ZNF318: variants seen among roughly 807,000 people sequenced by gnomAD.
ZNF318 encodes endocrine regulator.
A neutral mutation model predicts 124.2 loss-of-function variants in ZNF318; 51 were observed. The observed-to-expected ratio is 0.41, with a 90% CI of 0.33 to 0.52. The LOEUF (loss-of-function observed/expected upper bound fraction) is 0.52, where lower values mean the gene tolerates loss of function less well. ZNF318 is among the 20% of genes least tolerant of loss of function. The pLI is 0.23. For synonymous variants in ZNF318, 1,090 were observed against 1,040.7 expected (o/e 1.05, Z -0.91); for missense variants, 2,815 against 2,811.2 (o/e 1.00, Z -0.03).
rs1182210954 is a variant in ZNF318, at chr6:43,340,135, C to T, written c.3863G>A (p.Ser1288Asn). ...AGAGATACTTGGGGTCACCAATGAA[C>T]TTTTCTCCTCTTCTTTTTCTGGCTT... Reference protein sequence around the residue: ...WKKPEKEEEKSSLVTPSISKE... With the variant: ...WKKPEKEEEKNSLVTPSISKE... The change falls in exon 10 of 10, where the codon AGT becomes AAT. Residue 1288 changes from serine (S) to asparagine (N), a missense_variant. Physicochemically the swap from Ser to Asn is conservative, Grantham distance 46. This residue lies in a region of ZNF318 where 500 missense variants were observed against 605.2 expected (regional missense o/e 0.83). Coordinates refer to ENST00000361428, the MANE Select transcript of ZNF318 (RefSeq NM_014345.3). 1.2e-6 allele frequency: 2 copies of T among 1,614,148 alleles called. No homozygotes were observed. The highest frequency in any genetic ancestry group is 3.3e-5 in the Admixed American group (2 of 60,022).
At chr6:43,368,906 C>A in intron 1 of ZNF318, 61 bp downstream of exon 1, 2 of 1,284,208 alleles carry the variant, frequency 1.6e-6, no homozygotes, top group African/African-American at 1.5e-5. Context: ...TTTCTGGAAA[C>A]GGGAATTCCG....
chr6:43,364,267 G>C, intron 2 of ZNF318: 1 of 505,370 alleles, frequency 2.0e-6, no homozygotes, highest in Non-Finnish European at 3.5e-6. Context: ...TGCAGAGGAC[G>C]TAGGCTCCAG....
At chr6:43,353,677 T>C (rs1779564532) in intron 4 of ZNF318, among the ~76,000 whole-genome samples, 1 of 152,104 alleles carries the variant, frequency 6.6e-6, no homozygotes, top group Non-Finnish European at 1.5e-5. Context: ...CCCAGCCAGG[T>C]CTTAACTTTT....
intron 6 of ZNF318, among the ~76,000 whole-genome samples, chr6:43,346,524 C>CA (rs59587962): frequency 0.19 from 20,110 of 104,392 alleles, 1,653 homozygotes; most frequent in East Asian, 0.27. Flanking sequence ...CATCTTTAAC[C>CA]AAAAAAAAAA....
chr6:43,368,999 G>A lies in ZNF318; in HGVS notation c.367C>T (p.Arg123Cys), dbSNP rs1376921807. ...CCGCTGTCGCCTGGATGGTCTCCGCGGCCGTCCCGGGCATAGTCGGCGCGG... is the reference window on the plus strand; with the variant it reads ...CCGCTGTCGCCTGGATGGTCTCCGCAGCCGTCCCGGGCATAGTCGGCGCGG... ...ESRADYARDGRGDHPGDSGSR... is the reference protein window; with the variant it reads ...ESRADYARDGCGDHPGDSGSR... Residue 123 changes from arginine (R) to cysteine (C), a missense_variant, in exon 1 of 10, where the codon CGC (arginine) becomes TGC (cysteine). Arg to Cys is a radical substitution (Grantham distance 180, BLOSUM62 -3). Transcript: ENST00000361428. 2.1e-6 allele frequency: 3 copies of A among 1,435,478 alleles called. No individual in the cohort carries two copies. Among genetic ancestry groups the A allele is most frequent in the South Asian group, 2.7e-5 (2 of 74,416 alleles). The allele number at this position is 1,435,478 out of a possible 1,614,324, so 88.9% of individuals were successfully genotyped here.
Position 43,354,934 on chromosome 6 carries a change from G to C in ZNF318, c.2400C>G (p.Ser800=), listed in dbSNP as rs1054732815. The C allele has an allele frequency of 1.9e-6, 3 of 1,610,808 alleles. No individual in the cohort carries two copies. Among genetic ancestry groups the C allele is most frequent in the Non-Finnish European group, 2.5e-6 (3 of 1,177,934 alleles). Residue 800 remains serine, a synonymous_variant, in exon 4 of 10, where the codon TCC becomes TCG. Coordinates refer to ENST00000361428, the MANE Select transcript of ZNF318 (RefSeq NM_014345.3). ...GAGAGGTGGGATACATGGGCCATCT[G>C]GAGGCTGCATATGCCATGTAGTGCC... The part of the protein sequence containing the change: ...AYRHYMAYAA[S]RWPMYPTSQP...
rs757230046 is a variant in ZNF318, at chr6:43,365,350, G to T, written c.490C>A (p.Arg164=). The change falls in exon 2 of 10, where the codon CGG becomes AGG. Residue 164 remains arginine (R), a synonymous_variant. Coordinates refer to ENST00000361428, the MANE Select transcript of ZNF318 (RefSeq NM_014345.3). ...NDHFCVSTPE[R]RRLSDRLGSP... is the part of the protein sequence containing the mutation. The stretch of plus-strand genomic sequence containing the variant: ...CCCAGCCGATCACTAAGCCGTCGCC[G>T]TTCTGGTGTGCTAACACAGAAGTGG... The T allele has an allele frequency of 2.5e-5, 41 of 1,614,030 alleles. No individual in the cohort carries two copies. Among genetic ancestry groups the T allele is most frequent in the Middle Eastern group, 1.6e-4 (1 of 6,084 alleles).
Position 43,355,926 on chromosome 6 carries a change from A to G in ZNF318, c.1408T>C (p.Phe470Leu), listed in dbSNP as rs202029249. 21 of 1,614,018 alleles carry G rather than the reference A, an allele frequency of 1.3e-5. No homozygotes were observed. In the Admixed American group the frequency reaches 1.7e-4, roughly 13 times the overall value. ...TCCTTGTGGCATAGAAAACTTCCAA[A>G]TTTTTCTCTGAGAGGACTGTTGTCT... ...PKDNSPLREK[F>L]GSFLCHKDNL... Residue 470 changes from phenylalanine (F) to leucine (L), a missense_variant, in exon 4 of 10, where the codon TTT becomes CTT. This residue lies in a region of ZNF318 where 1,377 missense variants were observed against 1,353.5 expected (regional missense o/e 1.02). Transcript: ENST00000361428.
chr6:43,354,600 A>C lies in ZNF318; in HGVS notation c.2670+64T>G, dbSNP rs1348116226. 1.4e-5 allele frequency: 20 copies of C among 1,481,346 alleles called. No homozygotes were observed. The Admixed American group carries it at 1.8e-4, about 13-fold the overall frequency. 91.8% of individuals were successfully genotyped at this position (1,481,346 alleles called of 1,614,324 possible). On this transcript the variant is annotated intron_variant, in intron 4 of 9. Transcript: ENST00000361428. ...TACAAATTTTCAGCCCCTTCTAAAA[A>C]ACATATACAAATTTATGGCAAAACA... is the stretch of plus-strand genomic sequence containing the variant.
intron 4 of ZNF318, among the ~76,000 whole-genome samples, chr6:43,352,805 A>T (rs771927121): frequency 2.0e-5 from 3 of 152,262 alleles, no homozygotes; most frequent in Admixed American, 1.3e-4. Context: ...GGTAAGGGAC[A>T]TATTTCATGT....
chr6:43,340,961 C>T, intron 8 of ZNF318, 53 bp from the exon 9 acceptor site: 1 of 1,340,472 alleles, frequency 7.5e-7, no homozygotes, highest in Non-Finnish European at 1.1e-6. Context: ...CCCAGAATGA[C>T]AGCAACCAAT....
intron 2 of ZNF318, chr6:43,363,826 G>A (rs940977391): frequency 9.8e-6 from 9 of 922,750 alleles, no homozygotes; most frequent in African/African-American, 6.5e-5. Context: ...TGGCCACGTC[G>A]GTCTGGGTGT....
At chr6:43,352,047 G>A (rs530509786) in intron 5 of ZNF318, among the ~76,000 whole-genome samples, 141 of 152,078 alleles carry the variant, frequency 9.3e-4, no homozygotes, top group Non-Finnish European at 1.6e-3. Flanking sequence ...GGGAGGCTGA[G>A]GCAGGAGAAT....
intron 4 of ZNF318, among the ~76,000 whole-genome samples, chr6:43,354,104 T>TACAC (rs376470195): frequency 1.3e-5 from 2 of 150,332 alleles, no homozygotes; most frequent in Admixed American, 6.6e-5. Context: ...TACACACACA[T>TACAC]ACACACACAC....
Position 43,339,873 on chromosome 6 carries a change from G to A in ZNF318, c.4125C>T (p.Thr1375=), listed in dbSNP as rs2150748869. The A allele has an allele frequency of 6.2e-7, 1 of 1,614,154 alleles. No homozygotes were observed. The highest frequency in any genetic ancestry group is 8.5e-7 in the Non-Finnish European group (1 of 1,180,032). Reference sequence around the variant, plus strand: ...TTCCAGAGGACTTAATAGACAGAAAGGTGTTAAGAGGAGCTGGCTTGCTCA... The same window carrying A: ...TTCCAGAGGACTTAATAGACAGAAAAGTGTTAAGAGGAGCTGGCTTGCTCA... ...ATMSKPAPLN[T]FLSIKSSGTT... The change falls in exon 10 of 10, where the codon ACC becomes ACT. Residue 1375 remains threonine, a synonymous_variant. Transcript: ENST00000361428. The surrounding 1 kb of genome is among the most constrained non-coding windows in gnomAD (Gnocchi z 4.2).
intron 4 of ZNF318, among the ~76,000 whole-genome samples, chr6:43,352,805 A>AT (rs1779548089): frequency 1.3e-5 from 2 of 152,262 alleles, no homozygotes; most frequent in Admixed American, 1.3e-4. Context: ...GGTAAGGGAC[A>AT]TATTTCATGT....
rs1305076502 is a variant in ZNF318 at position 43,365,358 on chromosome 6, G to A, written c.482C>T (p.Thr161Ile). Residue 161 changes from threonine to isoleucine, a missense_variant, in exon 2 of 10, where the codon ACA (threonine) becomes ATA (isoleucine). Transcript: ENST00000361428. Reference sequence around the variant, plus strand: ...ATCACTAAGCCGTCGCCGTTCTGGTGTGCTAACACAGAAGTGGTCATTGCC... The same window carrying A: ...ATCACTAAGCCGTCGCCGTTCTGGTATGCTAACACAGAAGTGGTCATTGCC... ...TVGNDHFCVSTPERRRLSDRL... is the reference protein window; with the variant it reads ...TVGNDHFCVSIPERRRLSDRL... The A allele has an allele frequency of 1.9e-6, 3 of 1,614,096 alleles. No homozygotes were observed. The highest frequency in any genetic ancestry group is 2.5e-6 in the Non-Finnish European group (3 of 1,180,044).
chr6:43,350,012 G>A (rs1779504158), intron 5 of ZNF318, among the ~76,000 whole-genome samples: 1 of 152,214 alleles, frequency 6.6e-6, no homozygotes, highest in African/African-American at 2.4e-5. Context: ...CACTTTGGGA[G>A]GTCGAGGCAG....
At chr6:43,341,028 C>T (rs1779368067) in intron 8 of ZNF318, 120 bp from the exon 9 acceptor site, 2 of 710,910 alleles carry the variant, frequency 2.8e-6, no homozygotes, top group East Asian at 2.6e-5. Flanking sequence ...GCCTTACCCA[C>T]TTTGAAGTCA....
Sources: allele counts gnomAD v4.1 joint callset (sites outside exome capture counted in the v4.1 genomes callset), GRCh38; gene constraint gnomAD v4.1.1; regional missense constraint gnomAD v4.1.1; non-coding constraint Gnocchi (gnomAD v3.1); transcripts MANE v1.5; gene names NCBI Gene and HGNC (gene_info 2026-07-23, HGNC 2026-07-21).